Variants in CPNE4 observed in about 807,000 individuals in gnomAD.
The protein encoded by CPNE4 is copine-4.
In CPNE4, 25 loss-of-function variants were observed where a neutral mutation model predicts 67.9. The ratio of observed to expected loss-of-function variants is 0.37; its 90% CI spans 0.27 to 0.51. The LOEUF (loss-of-function observed/expected upper bound fraction) is 0.51, where lower values mean the gene tolerates loss of function less well. Ranked by LOEUF, CPNE4 falls within the 20% of genes least tolerant of loss-of-function variation. CPNE4 has a pLI of 0.93. For missense variants in CPNE4, 464 were observed against 690.8 expected (o/e 0.67, Z 3.68); for synonymous variants, 242 against 244.9 (o/e 0.99, Z 0.11).
intron 3 of CPNE4, among the ~76,000 whole-genome samples, chr3:131,703,472 A>G (rs2081350776): frequency 6.6e-6 from 1 of 152,334 alleles, no homozygotes; most frequent in South Asian, 2.1e-4. Flanking sequence ...TCTTATCTGC[A>G]TCCACCCACG....
chr3:131,643,192 G>A (rs73001271), intron 7 of CPNE4, among the ~76,000 whole-genome samples: 22,062 of 152,250 alleles, frequency 0.14, 1,914 homozygotes, highest in African/African-American at 0.24. Context: ...ATGCTTTAGC[G>A]AAGAGTTTGG....
chr3:131,886,475 C>T (rs1467372026), intron 2 of CPNE4, among the ~76,000 whole-genome samples: 1 of 152,222 alleles, frequency 6.6e-6, no homozygotes, highest in Non-Finnish European at 1.5e-5. Flanking sequence ...TCATAGCCCC[C>T]ACACAGAGTC....
intron 2 of CPNE4, among the ~76,000 whole-genome samples, chr3:131,792,746 T>C (rs1231026444): frequency 2.2e-5 from 3 of 135,888 alleles, no homozygotes; most frequent in Non-Finnish European, 4.8e-5. Context: ...TGTATATATG[T>C]ATATATATAC....
intron 2 of CPNE4, among the ~76,000 whole-genome samples, chr3:131,836,755 G>A (rs879820742): frequency 1.9e-4 from 29 of 152,112 alleles, no homozygotes; most frequent in Non-Finnish European, 3.8e-4. Flanking sequence ...TTTGTGTTTT[G>A]CTAAAGGCAC....
intron 2 of CPNE4, among the ~76,000 whole-genome samples, chr3:131,893,042 G>A (rs559737106): frequency 6.6e-6 from 1 of 152,026 alleles, no homozygotes; most frequent in African/African-American, 2.4e-5. Flanking sequence ...TGGCTGAATA[G>A]GTTAAAAGAC....
upstream of CPNE4, chr3:132,037,624 A>G (rs2074362423): frequency 1.3e-6 from 2 of 1,535,866 alleles, no homozygotes; most frequent in East Asian, 4.9e-5. Flanking sequence ...AAATTTATCT[A>G]AAGCCAAGCC....
chr3:131,731,337 T>TC (rs1260812294), intron 2 of CPNE4, among the ~76,000 whole-genome samples: 2 of 152,272 alleles, frequency 1.3e-5, no homozygotes, highest in South Asian at 4.2e-4. Flanking sequence ...GAAATGAGTA[T>TC]CCCCCGTAGG....
At chr3:131,978,748 G>A (rs1175670507) in intron 1 of CPNE4, among the ~76,000 whole-genome samples, 1 of 149,956 alleles carries the variant, frequency 6.7e-6, no homozygotes, top group Admixed American at 6.8e-5. Flanking sequence ...GGTTTGGTTT[G>A]TTCCTGTTTT....
chr3:131,714,190 A>G (rs1583065324), intron 3 of CPNE4, among the ~76,000 whole-genome samples: 1 of 152,072 alleles, frequency 6.6e-6, no homozygotes, highest in Non-Finnish European at 1.5e-5. Flanking sequence ...TTTGGGTAGC[A>G]CCCTCAGCAT....
At chr3:131,675,604 G>A (rs1286993151) in intron 6 of CPNE4, among the ~76,000 whole-genome samples, 1 of 151,800 alleles carries the variant, frequency 6.6e-6, no homozygotes, top group Admixed American at 6.6e-5. Context: ...AATCTATTTT[G>A]TCTGATGTAA....
chr3:132,038,095 A>G (rs2074367532), upstream of CPNE4: 1 of 152,286 alleles, frequency 6.6e-6, no homozygotes, highest in Admixed American at 6.5e-5. Flanking sequence ...AGAACTTTGA[A>G]TCTCACCCCA....
chr3:132,019,267 T>G (rs1384379386), intron 1 of CPNE4, among the ~76,000 whole-genome samples: 1 of 152,112 alleles, frequency 6.6e-6, no homozygotes, highest in Non-Finnish European at 1.5e-5. Context: ...AGACCAAATA[T>G]TAGCATCTTC....
intron 1 of CPNE4, among the ~76,000 whole-genome samples, chr3:131,969,387 G>A (rs2072444081): frequency 6.6e-6 from 1 of 151,570 alleles, no homozygotes; most frequent in African/African-American, 2.4e-5. Flanking sequence ...AAAAAGTAAT[G>A]GCAAAAACTA....
At chr3:132,001,560 AAAGAAAG>A (rs2073439777) in intron 1 of CPNE4, among the ~76,000 whole-genome samples, 1 of 110,128 alleles carries the variant, frequency 9.1e-6, no homozygotes, top group Non-Finnish European at 2.0e-5. Flanking sequence ...AAAGAGAAAG[AAAGAAAG>A]AAAGAAAGAA....
intron 1 of CPNE4, among the ~76,000 whole-genome samples, chr3:131,969,371 TA>T (rs148483931): frequency 8.7e-5 from 13 of 149,022 alleles, no homozygotes; most frequent in East Asian, 3.9e-4. Flanking sequence ...CTTAAAATAT[TA>T]AAAAAAAAAG....
upstream of CPNE4, chr3:132,039,498 C>T (rs1478931131): frequency 1.3e-5 from 2 of 152,204 alleles, no homozygotes; most frequent in Non-Finnish European, 2.9e-5. Context: ...AATATTATTT[C>T]TAACTGATAT....
chr3:131,792,619 GTATATATATATACACACGTGTATA>G (rs2083760670), intron 2 of CPNE4, among the ~76,000 whole-genome samples: 1 of 56,954 alleles, frequency 1.8e-5, no homozygotes, highest in African/African-American at 5.6e-5. Context: ...GTGTATATAT[GTATATATATATACACACGTGTATA>G]TATGTATATA....
chr3:131,792,762 C>CGTG (rs1289525910), intron 2 of CPNE4, among the ~76,000 whole-genome samples: 4 of 107,566 alleles, frequency 3.7e-5, no homozygotes, highest in Non-Finnish European at 5.9e-5. Flanking sequence ...TATACACACA[C>CGTG]TATATATGTA....
chr3:131,807,656 AG>A (rs1250384934), intron 2 of CPNE4, among the ~76,000 whole-genome samples: 2 of 152,174 alleles, frequency 1.3e-5, no homozygotes, highest in African/African-American at 4.8e-5. Flanking sequence ...CAATTCAGTT[AG>A]GCCTAATTAT....
Sources: allele counts gnomAD v4.1 joint callset (sites outside exome capture counted in the v4.1 genomes callset), GRCh38; gene constraint gnomAD v4.1.1; transcripts MANE v1.5; gene names NCBI Gene and HGNC (gene_info 2026-07-23, HGNC 2026-07-21).